UNC79: variants seen among roughly 807,000 people sequenced by gnomAD.
The protein encoded by UNC79 is unc-79 subunit of NALCN channel complex, also known as protein unc-79 homolog.
A neutral mutation model predicts 283.1 loss-of-function variants in UNC79; 37 were observed. The ratio of observed to expected loss-of-function variants is 0.13; its 90% CI spans 0.10 to 0.17. The LOEUF is 0.17. Among genes scored for constraint, UNC79 ranks in the 10% least tolerant of loss-of-function variants. The probability of loss-of-function intolerance (pLI) is 1.00; values close to 1 mark genes in which losing one functional copy is unlikely to be tolerated. For synonymous variants in UNC79, 1,107 were observed against 1,200.2 expected, an observed-to-expected ratio of 0.92 and a Z score of 1.61; for missense variants, 2,272 against 3,211.1, an observed-to-expected ratio of 0.71 and a Z score of 7.07.
chr14:93,521,021 TAC>T (rs1239678627), intron 7 of UNC79, among the ~76,000 whole-genome samples: 1 of 152,032 alleles, frequency 6.6e-6, no homozygotes, highest in Non-Finnish European at 1.5e-5. Flanking sequence ...TGTCTTCCAT[TAC>T]AGTATGTTGA....
chr14:93,431,897 A>G (rs1412184765), intron 1 of UNC79, among the ~76,000 whole-genome samples: 2 of 152,216 alleles, frequency 1.3e-5, no homozygotes, highest in African/African-American at 2.4e-5. Context: ...AGGTTGATCA[A>G]TGTGAAGCCT....
intron 25 of UNC79, among the ~76,000 whole-genome samples, chr14:93,601,496 C>G (rs2065505064): frequency 6.6e-6 from 1 of 152,194 alleles, no homozygotes; most frequent in African/African-American, 2.4e-5. Context: ...CCTTTATCCA[C>G]TTGTTGATTA....
At chr14:93,698,207 T>G (rs2075284735) in intron 47 of UNC79, among the ~76,000 whole-genome samples, 1 of 152,200 alleles carries the variant, frequency 6.6e-6, no homozygotes, top group South Asian at 2.1e-4. Context: ...TCTGCTGTTG[T>G]TGCTTGGAGT....
At chr14:93,386,927 C>CTTTTTTTTTTTTT (rs35267402) in intron 1 of UNC79, among the ~76,000 whole-genome samples, 2 of 27,162 alleles carry the variant, frequency 7.4e-5, no homozygotes, top group Non-Finnish European at 1.2e-4. Flanking sequence ...TGTATTTCTG[C>CTTTTTTTTTTTTT]TTTTTTTTTT....
At chr14:93,537,505 G>A (rs552422844) in intron 11 of UNC79, among the ~76,000 whole-genome samples, 1 of 152,322 alleles carries the variant, frequency 6.6e-6, no homozygotes, top group South Asian at 2.1e-4. Flanking sequence ...GGACAGAGGA[G>A]CTGTAGCGGA....
At chr14:93,438,766 A>G (rs2056189261) in intron 1 of UNC79, among the ~76,000 whole-genome samples, 1 of 151,350 alleles carries the variant, frequency 6.6e-6, no homozygotes, top group Admixed American at 6.6e-5. Context: ...GCCTCATAGT[A>G]TTTTTGTGAG....
chr14:93,498,452 G>C (rs114993262), intron 7 of UNC79, among the ~76,000 whole-genome samples: 10 of 151,696 alleles, frequency 6.6e-5, no homozygotes, highest in Non-Finnish European at 1.2e-4. Flanking sequence ...TTAGCCGGAC[G>C]TGGTGGCACG....
chr14:93,367,740 A>G (rs1272745865), intron 1 of UNC79, among the ~76,000 whole-genome samples: 7 of 152,240 alleles, frequency 4.6e-5, no homozygotes, highest in Non-Finnish European at 7.3e-5. Flanking sequence ...AAGCCCATCT[A>G]TCTTGAGCAG....
chr14:93,655,312 G>C, exon 38 of UNC79: 1 of 1,614,158 alleles, frequency 6.2e-7, no homozygotes, highest in Non-Finnish European at 8.5e-7. Flanking sequence ...CTTCATGGAA[G>C]CTTTGCCTAT....
intron 20 of UNC79, among the ~76,000 whole-genome samples, chr14:93,586,109 G>A (rs1306301928): frequency 2.0e-5 from 3 of 152,082 alleles, no homozygotes; most frequent in Non-Finnish European, 4.4e-5. Flanking sequence ...CTTGAACTCT[G>A]ACCTCAAGTG....
At chr14:93,520,859 A>G (rs1384796212) in intron 7 of UNC79, among the ~76,000 whole-genome samples, 1 of 151,966 alleles carries the variant, frequency 6.6e-6, no homozygotes, top group Non-Finnish European at 1.5e-5. Flanking sequence ...TTCTTTGCCA[A>G]CTACTTCATC....
chr14:93,544,817 A>G lies in UNC79; in HGVS notation c.1755+2121A>G, dbSNP rs75164011. 3.4e-3 allele frequency among the ~76,000 whole-genome samples: 525 copies of G among 152,318 alleles called. 11 individuals carry two copies. The South Asian group carries it at 0.053, about 15-fold the overall frequency. The stretch of plus-strand genomic sequence containing the variant: ...AGAAGATGTCTAGATGTTGGTCTTG[A>G]AGCATGTTTAGACGGTGGAGTGAGA... On this transcript the variant is annotated intron_variant, in intron 14 of 48. Transcript: ENST00000555664.
intron 1 of UNC79, among the ~76,000 whole-genome samples, chr14:93,437,782 C>G (rs1034227962): frequency 8.5e-5 from 13 of 152,170 alleles, no homozygotes; most frequent in African/African-American, 2.9e-4. Flanking sequence ...CTGCCTCCAT[C>G]TTTACACAGC....
At chr14:93,642,910 C>G (rs2069204003) in intron 33 of UNC79, among the ~76,000 whole-genome samples, 1 of 152,068 alleles carries the variant, frequency 6.6e-6, no homozygotes, top group Non-Finnish European at 1.5e-5. Flanking sequence ...TGAAATGGAC[C>G]CTACATTAGG....
intron 1 of UNC79, among the ~76,000 whole-genome samples, chr14:93,402,502 T>C (rs1312480098): frequency 1.3e-5 from 2 of 151,738 alleles, no homozygotes; most frequent in Non-Finnish European, 2.9e-5. Context: ...TGAAAAAATA[T>C]AATTAAATAT....
At chr14:93,354,599 G>T (rs559369689) in intron 1 of UNC79, among the ~76,000 whole-genome samples, 22 of 152,174 alleles carry the variant, frequency 1.4e-4, no homozygotes, top group Non-Finnish European at 3.1e-4. Flanking sequence ...CTGGTCTCAA[G>T]TGATCCTCCC....
chr14:93,335,494 A>G (rs1057443850), intron 1 of UNC79, among the ~76,000 whole-genome samples: 2 of 152,274 alleles, frequency 1.3e-5, no homozygotes, highest in Non-Finnish European at 2.9e-5. Flanking sequence ...TTTTAAGGCT[A>G]GTGTTAAGAT....
At chr14:93,527,912 C>G (rs190459292) in intron 8 of UNC79, among the ~76,000 whole-genome samples, 14 of 151,544 alleles carry the variant, frequency 9.2e-5, no homozygotes, top group African/African-American at 3.4e-4. Context: ...TGTGCTTAGG[C>G]TCGTGAAACC....
At chr14:93,643,770 A>C (rs1243612871) in intron 34 of UNC79, 73 bp downstream of exon 37, 2 of 1,559,716 alleles carry the variant, frequency 1.3e-6, no homozygotes, top group Admixed American at 2.0e-5. Flanking sequence ...AAAAACTACC[A>C]GTTCAAAAGT....
Sources: gnomAD v4.1 joint callset for allele counts (sites outside exome capture counted in the v4.1 genomes callset) on GRCh38, gnomAD v4.1.1 for gene constraint, MANE v1.5 for transcripts, NCBI Gene and HGNC (gene_info 2026-07-23, HGNC 2026-07-21) for gene names.